KCNIP1: variants seen among roughly 807,000 people sequenced by gnomAD.
KCNIP1 encodes A-type potassium channel modulatory protein KCNIP1.
In KCNIP1, 18 loss-of-function variants were observed where a neutral mutation model predicts 33.0. The ratio of observed to expected loss-of-function variants is 0.55; its 90% CI spans 0.38 to 0.81. The LOEUF is 0.81. KCNIP1 is among the 30% of genes least tolerant of loss of function. The pLI is 0.00. For synonymous variants in KCNIP1, 93 were observed against 98.3 expected, an observed-to-expected ratio of 0.95 and a Z score of 0.32; for missense variants, 238 against 271.6, an observed-to-expected ratio of 0.88 and a Z score of 0.87.
intron 1 of KCNIP1, among the ~76,000 whole-genome samples, chr5:170,408,911 C>T (rs935683880): frequency 5.3e-5 from 8 of 152,176 alleles, no homozygotes; most frequent in African/African-American, 1.9e-4. Context: ...GCTCTGGAAA[C>T]ATTTCAGTCC....
chr5:170,662,688 T>C (rs1761546787), intron 1 of KCNIP1, among the ~76,000 whole-genome samples: 1 of 152,212 alleles, frequency 6.6e-6, no homozygotes, highest in South Asian at 2.1e-4. Context: ...CACAAGATCA[T>C]GGGCACAAGC....
rs897765160 is a variant in KCNIP1 at position 170,504,097 on chromosome 5, C to T, written c.-476C>T. 2.5e-5 allele frequency: 25 copies of T among 986,502 alleles called. No homozygotes were observed. Among genetic ancestry groups the T allele is most frequent in the Non-Finnish European group, 2.9e-5 (24 of 830,834 alleles). 61.1% of individuals were successfully genotyped at this position (986,502 alleles called of 1,614,324 possible). On this transcript the variant is annotated 5_prime_UTR_variant, in exon 1 of 8. Transcript: ENST00000328939. This position sits in a 1 kb window ranked among gnomAD's most constrained non-coding sequence, Gnocchi z 6.0. ...GTGGCTCCGCGCCGCGCGGTCCGGGCTCTGTTCATTCATGATTGGTACTCG... is the reference window on the plus strand; with the variant it reads ...GTGGCTCCGCGCCGCGCGGTCCGGGTTCTGTTCATTCATGATTGGTACTCG...
At chr5:170,526,680 C>A (rs1469684149) in intron 1 of KCNIP1, among the ~76,000 whole-genome samples, 2 of 150,950 alleles carry the variant, frequency 1.3e-5, no homozygotes, top group Admixed American at 1.3e-4. Flanking sequence ...GATGGGACAC[C>A]TTTGCCCAAC....
In KCNIP1 at chr5:170,383,695, C is replaced by T. The variant is rs150439459; in HGVS notation, c.88+29731C>T. On this transcript the variant is annotated intron_variant, in intron 1 of 7. Coordinates refer to the KCNIP1 transcript ENST00000377360. ...GTTCAGTACCTGCTGGTTCTGGTCC[C>T]GAGTGTCCTCCGTGTGGTACAGCAC... 4.0e-4 allele frequency: 642 copies of T among 1,613,988 alleles called. No individual in the cohort carries two copies. Among genetic ancestry groups the T allele is most frequent in the Non-Finnish European group, 5.2e-4 (618 of 1,180,018 alleles).
intron 1 of KCNIP1, among the ~76,000 whole-genome samples, chr5:170,517,587 ATGG>A (rs1232039228): frequency 6.6e-6 from 1 of 151,442 alleles, no homozygotes; most frequent in Non-Finnish European, 1.5e-5. Flanking sequence ...GACAATGGTG[ATGG>A]TGGTAGTGAT....
intron 1 of KCNIP1, among the ~76,000 whole-genome samples, chr5:170,604,971 C>G (rs1385325647): frequency 6.6e-6 from 1 of 152,186 alleles, no homozygotes; most frequent in Non-Finnish European, 1.5e-5. Flanking sequence ...AGGGGGTCTC[C>G]CTCTTTCCCT....
chr5:170,531,765 G>T (rs2113347211), intron 1 of KCNIP1, among the ~76,000 whole-genome samples: 1 of 152,266 alleles, frequency 6.6e-6, no homozygotes, highest in East Asian at 1.9e-4. Flanking sequence ...GGGAGCCACT[G>T]CAGGAGTCCC....
intron 1 of KCNIP1, among the ~76,000 whole-genome samples, chr5:170,490,853 G>C (rs183710002): frequency 6.6e-6 from 1 of 152,272 alleles, no homozygotes; most frequent in Admixed American, 6.5e-5. Context: ...AGCCCACTCT[G>C]TGAGGCTGTA....
intron 1 of KCNIP1, among the ~76,000 whole-genome samples, chr5:170,547,007 A>T (rs1756433951): frequency 6.6e-6 from 1 of 152,196 alleles, no homozygotes; most frequent in Admixed American, 6.5e-5. Flanking sequence ...TCATTCTTGA[A>T]ATGTAATTTC....
chr5:170,456,701 T>TTTCTTTCTTTCTTTC (rs1756386571), intron 1 of KCNIP1, among the ~76,000 whole-genome samples: 2 of 135,680 alleles, frequency 1.5e-5, no homozygotes, highest in Non-Finnish European at 3.1e-5. Context: ...CTCTCTCTCT[T>TTTCTTTCTTTCTTTC]TTTCTTTCTT....
chr5:170,727,059 T>C (rs2113885960), intron 5 of KCNIP1, among the ~76,000 whole-genome samples: 1 of 152,366 alleles, frequency 6.6e-6, no homozygotes, highest in South Asian at 2.1e-4. Flanking sequence ...CCCAAATGTC[T>C]GTCAACAGGA....
chr5:170,448,218 G>A (rs554894760), intron 1 of KCNIP1, among the ~76,000 whole-genome samples: 1 of 152,230 alleles, frequency 6.6e-6, no homozygotes. Context: ...TCTTAGGCCA[G>A]AGTGATCCCC....
chr5:170,368,864 C>A (rs1312672156), intron 1 of KCNIP1, among the ~76,000 whole-genome samples: 5 of 152,222 alleles, frequency 3.3e-5, no homozygotes, highest in Admixed American at 3.3e-4. Context: ...TCTCCTCCAG[C>A]CAAACTGGTC....
intron 1 of KCNIP1, among the ~76,000 whole-genome samples, chr5:170,643,901 G>A (rs1428175887): frequency 6.6e-6 from 1 of 152,250 alleles, no homozygotes; most frequent in Non-Finnish European, 1.5e-5. Flanking sequence ...TCCTGGGGAT[G>A]AAGTGAGAAG....
chr5:170,376,693 A>C (rs1240405063), intron 1 of KCNIP1: 1 of 152,318 alleles, frequency 6.6e-6, no homozygotes, highest in Middle Eastern at 3.4e-3. Context: ...CCTGCAAAGG[A>C]CATGATCTCC....
intron 1 of KCNIP1, among the ~76,000 whole-genome samples, chr5:170,699,430 C>T (rs1484591059): frequency 6.6e-6 from 1 of 152,010 alleles, no homozygotes; most frequent in Non-Finnish European, 1.5e-5. Flanking sequence ...CCTTCTTGAA[C>T]TTTGCTTCAA....
intron 1 of KCNIP1, among the ~76,000 whole-genome samples, chr5:170,429,825 T>C (rs1755701310): frequency 6.6e-6 from 1 of 152,192 alleles, no homozygotes; most frequent in African/African-American, 2.4e-5. Context: ...TATATATACA[T>C]ACACCCCCTT....
chr5:170,474,900 G>A (rs908334398), intron 1 of KCNIP1, among the ~76,000 whole-genome samples: 5 of 152,220 alleles, frequency 3.3e-5, no homozygotes, highest in African/African-American at 4.8e-5. Flanking sequence ...CCGCGTAGAA[G>A]GGGACCCCAC....
At chr5:170,414,684 G>A (rs1217590688) in intron 1 of KCNIP1, among the ~76,000 whole-genome samples, 1 of 152,210 alleles carries the variant, frequency 6.6e-6, no homozygotes, top group Non-Finnish European at 1.5e-5. Context: ...ATTAATGCTA[G>A]ATGTTGACTA....
Sources: gnomAD v4.1 joint callset for allele counts (sites outside exome capture counted in the v4.1 genomes callset) on GRCh38, gnomAD v4.1.1 for gene constraint, Gnocchi (gnomAD v3.1) non-coding constraint, MANE v1.5 for transcripts, NCBI Gene and HGNC (gene_info 2026-07-23, HGNC 2026-07-21) for gene names.